Variants in MCTP1 observed in about 807,000 individuals in gnomAD.
MCTP1 encodes multiple C2 and transmembrane domain-containing protein 1.
A neutral mutation model predicts 120.6 loss-of-function variants in MCTP1; 69 were observed. The ratio of observed to expected loss-of-function variants is 0.57; its 90% confidence interval spans 0.47 to 0.70. The LOEUF (loss-of-function observed/expected upper bound fraction) is 0.70, where lower values mean the gene tolerates loss of function less well. Ranked by LOEUF, MCTP1 falls within the 30% of genes least tolerant of loss-of-function variation. The pLI is 0.00. For synonymous variants in MCTP1, 529 were observed against 493.1 expected, an observed-to-expected ratio of 1.07 and a Z score of -0.96; for missense variants, 1,203 against 1,248.8, an observed-to-expected ratio of 0.96 and a Z score of 0.55.
chr5:95,111,106 C>G (rs1367238376), intron 1 of MCTP1, among the ~76,000 whole-genome samples: 1 of 152,180 alleles, frequency 6.6e-6, no homozygotes, highest in Non-Finnish European at 1.5e-5. Context: ...GTTTAGATGT[C>G]TAAGGTTCTG....
At chr5:95,057,183 T>C (rs1747618094) in intron 1 of MCTP1, among the ~76,000 whole-genome samples, 1 of 152,158 alleles carries the variant, frequency 6.6e-6, no homozygotes, top group African/African-American at 2.4e-5. Context: ...TGTTAAACTT[T>C]ATGTTTTCTG....
chr5:94,870,686 G>A (rs967110997), intron 15 of MCTP1, among the ~76,000 whole-genome samples, 186 bp downstream of exon 15: 6 of 152,082 alleles, frequency 3.9e-5, no homozygotes, highest in Non-Finnish European at 7.4e-5. Flanking sequence ...GAACACAACC[G>A]CAGCAGCATT....
At chr5:94,884,629 G>C (rs1048068043) in intron 12 of MCTP1, among the ~76,000 whole-genome samples, 2 of 151,152 alleles carry the variant, frequency 1.3e-5, no homozygotes, top group African/African-American at 2.4e-5. Flanking sequence ...TGGGGGCTGG[G>C]GGGGCGGGAG....
intron 1 of MCTP1, among the ~76,000 whole-genome samples, chr5:95,101,748 C>A (rs1015115296): frequency 6.6e-6 from 1 of 152,208 alleles, no homozygotes; most frequent in Non-Finnish European, 1.5e-5. Flanking sequence ...ATGCCTTCTG[C>A]TGGTCACAGG....
Position 94,923,959 on chromosome 5 carries a change from T to C in MCTP1, c.1272+3A>G. 6.6e-7 allele frequency: 1 copy of C among 1,516,306 alleles called. No individual in the cohort carries two copies. Among genetic ancestry groups the C allele is most frequent in the Non-Finnish European group, 8.8e-7 (1 of 1,133,734 alleles). 93.9% of individuals were successfully genotyped at this position (1,516,306 alleles called of 1,614,324 possible). A position where few individuals can be genotyped will look rare whatever the true frequency, so the allele number is the denominator to read the frequency against. ...ATATTAACAAAAAGGATTTAGACATTACCCTCCAAAAGAGAGACTTCACAG... is the reference window on the plus strand; with the variant it reads ...ATATTAACAAAAAGGATTTAGACATCACCCTCCAAAAGAGAGACTTCACAG... On this transcript the variant is annotated splice_donor_region_variant and intron_variant, in intron 7 of 22. Transcript: ENST00000515393.
At chr5:94,957,850 A>G (rs1823030905) in intron 2 of MCTP1, among the ~76,000 whole-genome samples, 2 of 152,004 alleles carry the variant, frequency 1.3e-5, no homozygotes. Flanking sequence ...TGTCTATATT[A>G]GACAGATCAA....
chr5:94,770,738 G>T (rs1338915946), intron 19 of MCTP1, among the ~76,000 whole-genome samples: 1 of 152,176 alleles, frequency 6.6e-6, no homozygotes. Context: ...TGTTTCCAAT[G>T]ACTTTAACAT....
chr5:94,746,943 T>C (rs1366000595), intron 19 of MCTP1, among the ~76,000 whole-genome samples: 1 of 152,226 alleles, frequency 6.6e-6, no homozygotes, highest in African/African-American at 2.4e-5. Context: ...CCACTTCCCC[T>C]TGACCTTGAA....
chr5:95,141,638 T>A (rs1325878558), intron 1 of MCTP1, among the ~76,000 whole-genome samples: 2 of 152,188 alleles, frequency 1.3e-5, no homozygotes, highest in Non-Finnish European at 1.5e-5. Flanking sequence ...GTTCTGCTCA[T>A]CTTCATTGTC....
At chr5:95,218,745 T>C (rs1352039462) in intron 1 of MCTP1, among the ~76,000 whole-genome samples, 1 of 152,218 alleles carries the variant, frequency 6.6e-6, no homozygotes, top group Admixed American at 6.5e-5. Context: ...CTTACACAAA[T>C]TGAGATGGAA....
chr5:94,770,505 T>C (rs1031123909), intron 19 of MCTP1, among the ~76,000 whole-genome samples: 2 of 152,240 alleles, frequency 1.3e-5, no homozygotes, highest in African/African-American at 4.8e-5. Flanking sequence ...CATAGTTTGC[T>C]TTACTTGATG....
intron 1 of MCTP1, among the ~76,000 whole-genome samples, chr5:95,197,880 G>A (rs78122048): frequency 0.012 from 1,872 of 152,056 alleles, 37 homozygotes; most frequent in African/African-American, 0.041. Flanking sequence ...CATATAATCC[G>A]TGTACATTCT....
intron 19 of MCTP1, among the ~76,000 whole-genome samples, chr5:94,775,180 T>C (rs1371021117): frequency 6.6e-6 from 1 of 152,230 alleles, no homozygotes; most frequent in African/African-American, 2.4e-5. Flanking sequence ...CATAAATGGC[T>C]GAATATTTTA....
At chr5:95,002,217 TAG>T (rs1833873234) in intron 2 of MCTP1, among the ~76,000 whole-genome samples, 3 of 152,124 alleles carry the variant, frequency 2.0e-5, no homozygotes, top group Non-Finnish European at 2.9e-5. Flanking sequence ...GCTGCAGGGG[TAG>T]AGTCTTCCTG....
At chr5:95,267,550 G>A (rs1180623547) in intron 1 of MCTP1, among the ~76,000 whole-genome samples, 1 of 152,058 alleles carries the variant, frequency 6.6e-6, no homozygotes, top group African/African-American at 2.4e-5. Context: ...TATTTTTGTC[G>A]ACATTTTTAA....
intron 19 of MCTP1, among the ~76,000 whole-genome samples, chr5:94,738,942 G>GTAGCT (rs1347111376): frequency 6.6e-6 from 1 of 152,190 alleles, no homozygotes; most frequent in Non-Finnish European, 1.5e-5. Flanking sequence ...TGATCACCTT[G>GTAGCT]TCATCTTTTG....
chr5:95,105,010 C>T, intron 1 of MCTP1, among the ~76,000 whole-genome samples: 1 of 152,120 alleles, frequency 6.6e-6, no homozygotes, highest in East Asian at 1.9e-4. Flanking sequence ...TTTGTGTGCC[C>T]CATTTAATGC....
intron 17 of MCTP1, among the ~76,000 whole-genome samples, chr5:94,816,339 C>T (rs1266342021): frequency 2.0e-5 from 3 of 152,002 alleles, no homozygotes; most frequent in African/African-American, 7.2e-5. Flanking sequence ...GTGTTGGCCC[C>T]TCTCCCTCAA....
intron 9 of MCTP1, among the ~76,000 whole-genome samples, chr5:94,911,093 C>G (rs190574559): frequency 9.9e-4 from 150 of 152,276 alleles, no homozygotes; most frequent in Admixed American, 2.9e-3. Flanking sequence ...ATGATGGGCT[C>G]TCTGATATTT....
Sources: allele counts gnomAD v4.1 joint callset (sites outside exome capture counted in the v4.1 genomes callset), GRCh38; gene constraint gnomAD v4.1.1; transcripts MANE v1.5; gene names NCBI Gene and HGNC (gene_info 2026-07-23, HGNC 2026-07-21).